TRIM37: variants seen among roughly 807,000 people sequenced by gnomAD.
TRIM37 encodes E3 ubiquitin-protein ligase TRIM37.
Under a neutral mutation model 129.8 loss-of-function variants are expected in TRIM37, and 80 were observed. The observed-to-expected ratio is 0.62, with a 90% CI of 0.51 to 0.74. The LOEUF (loss-of-function observed/expected upper bound fraction) is 0.74. Ranked by LOEUF, TRIM37 falls within the 30% of genes least tolerant of loss-of-function variation. The pLI, the probability that TRIM37 is intolerant of heterozygous loss-of-function variation, is 0.00. For missense variants in TRIM37, 1,054 were observed against 1,176.5 expected (o/e 0.90, Z 1.52); for synonymous variants, 389 against 387.1 (o/e 1.00, Z -0.06).
At chr17:59,062,506 C>G in intron 11 of TRIM37, 61 bp downstream of exon 11, 1 of 1,352,426 alleles carries the variant, frequency 7.4e-7, no homozygotes. Context: ...AATTAGTATA[C>G]TACAGAACTC....
intron 2 of TRIM37, among the ~76,000 whole-genome samples, chr17:59,097,929 T>C (rs1236913536): frequency 1.3e-5 from 2 of 152,188 alleles, no homozygotes; most frequent in African/African-American, 4.8e-5. Context: ...AATGGTACTT[T>C]TTATATTGGT....
At chr17:59,006,469 C>T (rs763775144) in intron 22 of TRIM37, among the ~76,000 whole-genome samples, 1 of 152,176 alleles carries the variant, frequency 6.6e-6, no homozygotes, top group South Asian at 2.1e-4. Flanking sequence ...ACAGATGACA[C>T]TTTATATTCT....
chr17:59,002,053 C>T (rs968055661), intron 22 of TRIM37, among the ~76,000 whole-genome samples: 1 of 151,754 alleles, frequency 6.6e-6, no homozygotes, highest in African/African-American at 2.4e-5. Flanking sequence ...CAAGAGATAA[C>T]AGGAACTCTT....
rs66885215 is a variant in TRIM37 at position 59,056,763 on chromosome 17, G to C, written c.1199+112C>G. On this transcript the variant is annotated intron_variant, in intron 13 of 23. Transcript: ENST00000262294. ...AAAAAAAAAAGGTGATAAGGTTATAGTTAGTATGAATTTCAATATTCATCT... is the reference window on the plus strand; with the variant it reads ...AAAAAAAAAAGGTGATAAGGTTATACTTAGTATGAATTTCAATATTCATCT... 72 of 481,000 alleles carry C rather than the reference G, an allele frequency of 1.5e-4. No individual in the cohort carries two copies. In the East Asian group the frequency reaches 3.2e-3, roughly 21 times the overall value. 29.8% of individuals were successfully genotyped at this position (481,000 alleles called of 1,614,324 possible).
chr17:58,989,074 T>C (rs1041595811), intron 24 of TRIM37, among the ~76,000 whole-genome samples: 5 of 152,126 alleles, frequency 3.3e-5, no homozygotes, highest in Admixed American at 1.3e-4. Context: ...TAACAAAATA[T>C]ATAGAGTCAT....
In TRIM37 at chr17:59,023,289, G is replaced by A. The variant is rs145373786; in HGVS notation, c.2257+5126C>T. Among the ~76,000 whole-genome samples, 423 of 152,136 alleles carry A rather than the reference G, an allele frequency of 2.8e-3. 2 individuals are homozygous for A. Among genetic ancestry groups the A allele is most frequent in the African/African-American group, 9.8e-3 (408 of 41,524 alleles). On this transcript the variant is annotated intron_variant, in intron 19 of 23. Coordinates refer to ENST00000262294, the MANE Select transcript of TRIM37 (RefSeq NM_015294.6). ...CATGGGGTTTCTCCATGTTGGCCAG[G>A]CTGGTCTCGAACTCCTGGCCTCAAG...
In TRIM37 at chr17:58,999,100, C is replaced by T. The variant is rs186804767; in HGVS notation, c.*277G>A. ...GCCTTCTGCTGTAGTAGACAAACTG[C>T]CTTTTGTGAATGTACAAATTTGCTA... On this transcript the variant is annotated 3_prime_UTR_variant, in exon 24 of 24. Coordinates refer to ENST00000262294, the MANE Select transcript of TRIM37 (RefSeq NM_015294.6). 4.0e-4 allele frequency: 506 copies of T among 1,251,884 alleles called. 1 individual carries two copies. The African/African-American group carries it at 6.8e-3, about 17-fold the overall frequency. 77.5% of individuals were successfully genotyped at this position (1,251,884 alleles called of 1,614,324 possible). A position where few individuals can be genotyped will look rare whatever the true frequency, so the allele number is the denominator to read the frequency against.
At chr17:59,032,131 C>G (rs762400243) in intron 17 of TRIM37, 41 bp from the exon 18 acceptor site, 1 of 1,583,098 alleles carries the variant, frequency 6.3e-7, no homozygotes, top group South Asian at 1.1e-5. Flanking sequence ...TATGCACAAA[C>G]TTAGCTATAC....
At position 59,041,866 on chromosome 17, in the gene TRIM37, A is replaced by T. The variant is rs2039198414; in HGVS notation, c.1700T>A (p.Met567Lys). 3 of 1,613,642 alleles carry T rather than the reference A, an allele frequency of 1.9e-6. No homozygotes were observed. The highest frequency in any genetic ancestry group is 1.3e-5 in the African/African-American group (1 of 74,900). The change falls in exon 17 of 24, where the codon ATG (methionine) becomes AAG (lysine). Residue 567 changes from methionine (M) to lysine (K), a missense_variant. Around this residue, in one of 3 missense-constraint regions of TRIM37, gnomAD observed 752 missense variants for 870.8 expected, o/e 0.86. Transcript: ENST00000262294. ...CATGAGTTCTCCCTCTTCTAATTCCATGTTGTTATATTCCACATCATTTTC... is the reference window on the plus strand; with the variant it reads ...CATGAGTTCTCCCTCTTCTAATTCCTTGTTGTTATATTCCACATCATTTTC... ...SGENDVEYNNMELEEGELMED... is the reference protein window; with the variant it reads ...SGENDVEYNNKELEEGELMED...
chr17:59,032,374 A>T (rs2037950747), intron 17 of TRIM37, among the ~76,000 whole-genome samples: 1 of 148,882 alleles, frequency 6.7e-6, no homozygotes, highest in South Asian at 2.2e-4. Flanking sequence ...AAATACAAAA[A>T]ATTAGCCGGG....
rs974817716 is a variant in TRIM37 at position 59,062,512 on chromosome 17, A to G, written c.942+55T>C. ...CAGTAATCAAATTAGTATACTACAG[A>G]ACTCTGAAAGAAAGACCTTGGTTTC... On this transcript the variant is annotated intron_variant, in intron 11 of 23. Coordinates refer to ENST00000262294, the MANE Select transcript of TRIM37 (RefSeq NM_015294.6). 3.5e-6 allele frequency: 5 copies of G among 1,409,512 alleles called. No homozygotes were observed. In the East Asian group the frequency reaches 1.2e-4, roughly 33 times the overall value. The allele number at this position is 1,409,512 out of a possible 1,614,324, so 87.3% of individuals were successfully genotyped here.
intron 2 of TRIM37, among the ~76,000 whole-genome samples, chr17:59,092,609 A>C (rs1305667857): frequency 6.6e-6 from 1 of 152,124 alleles, no homozygotes; most frequent in Admixed American, 6.5e-5. Context: ...TTCAGGAAAC[A>C]ACAGGTTTAT....
intron 13 of TRIM37, among the ~76,000 whole-genome samples, chr17:59,053,249 A>C (rs567778928): frequency 2.2e-4 from 33 of 152,354 alleles, no homozygotes; most frequent in Non-Finnish European, 4.4e-4. Flanking sequence ...GAAAGAATGA[A>C]ACATACATTC....
At chr17:58,972,079 A>G in the TRIM37 span, 2 of 1,539,352 alleles carry the variant, frequency 1.3e-6, no homozygotes, top group Admixed American at 3.7e-5. Context: ...CTCAATAAGA[A>G]TGTAGTATCT....
At chr17:59,074,004 C>A (rs1415542651) in intron 8 of TRIM37, among the ~76,000 whole-genome samples, 3 of 152,228 alleles carry the variant, frequency 2.0e-5, no homozygotes, top group Non-Finnish European at 4.4e-5. Flanking sequence ...AATACATAAA[C>A]CAGTAACACA....
chr17:59,026,827 C>T (rs1051913729), intron 19 of TRIM37, among the ~76,000 whole-genome samples: 4 of 152,226 alleles, frequency 2.6e-5, no homozygotes. Context: ...TGACACTTCT[C>T]AGTGATACTT....
At chr17:59,098,279 T>C (rs1568253385) in intron 2 of TRIM37, among the ~76,000 whole-genome samples, 1 of 152,134 alleles carries the variant, frequency 6.6e-6, no homozygotes, top group African/African-American at 2.4e-5. Context: ...TTTGGGATGA[T>C]GAAAAAGTAC....
intron 24 of TRIM37, among the ~76,000 whole-genome samples, chr17:58,988,693 G>T (rs2087730664): frequency 6.6e-6 from 1 of 152,154 alleles, no homozygotes; most frequent in African/African-American, 2.4e-5. Context: ...GAAGCAGAGA[G>T]AGAGACCCTC....
At chr17:59,001,199 CA>C (rs537326649) in intron 23 of TRIM37, among the ~76,000 whole-genome samples, 136 of 57,494 alleles carry the variant, frequency 2.4e-3, no homozygotes, top group Non-Finnish European at 2.8e-3. Flanking sequence ...CATCTCGGGG[CA>C]AAAAAAAAAA....
Sources: gnomAD v4.1 joint callset for allele counts (sites outside exome capture counted in the v4.1 genomes callset) on GRCh38, gnomAD v4.1.1 for gene constraint, gnomAD v4.1.1 regional missense constraint, MANE v1.5 for transcripts, NCBI Gene and HGNC (gene_info 2026-07-23, HGNC 2026-07-21) for gene names.